DOK6: variants seen among roughly 807,000 people sequenced by gnomAD.
DOK6 encodes docking protein 6.
DOK6 carries 22 observed loss-of-function variants against 44.0 expected under a neutral mutation model. The ratio of observed to expected loss-of-function variants is 0.50; its 90% CI spans 0.36 to 0.71. The LOEUF (loss-of-function observed/expected upper bound fraction) is 0.71. Ranked by LOEUF, DOK6 falls within the 30% of genes least tolerant of loss-of-function variation. DOK6 has a pLI of 0.00. For synonymous variants in DOK6, 166 were observed against 145.5 expected, an observed-to-expected ratio of 1.14 and a Z score of -1.01; for missense variants, 340 against 416.4, an observed-to-expected ratio of 0.82 and a Z score of 1.60.
At chr18:69,579,782 G>T (rs1283584066) in intron 2 of DOK6, among the ~76,000 whole-genome samples, 3 of 151,970 alleles carry the variant, frequency 2.0e-5, no homozygotes, top group Non-Finnish European at 1.5e-5. Flanking sequence ...GGGATTTTCA[G>T]CATGTTGGCC....
chr18:69,814,839 T>C (rs1486558248), intron 7 of DOK6, among the ~76,000 whole-genome samples: 1 of 151,860 alleles, frequency 6.6e-6, no homozygotes, highest in African/African-American at 2.4e-5. Context: ...CCCCAACACA[T>C]GGAGATTACA....
At chr18:69,733,991 A>G (rs1043633759) in intron 5 of DOK6, among the ~76,000 whole-genome samples, 1 of 152,152 alleles carries the variant, frequency 6.6e-6, no homozygotes, top group Non-Finnish European at 1.5e-5. Context: ...AAATTCATCT[A>G]TCTTTTCTTC....
At chr18:69,734,115 T>A (rs1205059913) in intron 5 of DOK6, among the ~76,000 whole-genome samples, 1 of 152,010 alleles carries the variant, frequency 6.6e-6, no homozygotes, top group South Asian at 2.1e-4. Flanking sequence ...TCTCTGAAAT[T>A]TATATCAATG....
intron 4 of DOK6, among the ~76,000 whole-genome samples, chr18:69,690,127 A>G (rs1986232854): frequency 6.6e-6 from 1 of 152,140 alleles, no homozygotes; most frequent in Non-Finnish European, 1.5e-5. Flanking sequence ...AAATCCATGC[A>G]ATAGTCAATT....
chr18:69,458,012 G>A (rs866565324), intron 1 of DOK6, among the ~76,000 whole-genome samples: 131 of 152,162 alleles, frequency 8.6e-4, no homozygotes, highest in African/African-American at 2.7e-3. Context: ...GCGTGGTGGC[G>A]CATGCCTGTA....
intron 7 of DOK6, among the ~76,000 whole-genome samples, chr18:69,809,071 C>T (rs528391050): frequency 6.6e-6 from 1 of 151,852 alleles, no homozygotes; most frequent in African/African-American, 2.4e-5. Flanking sequence ...CAACAGGACA[C>T]TAAAAGGATC....
At chr18:69,784,443 A>C (rs1208149573) in intron 7 of DOK6, among the ~76,000 whole-genome samples, 1 of 151,548 alleles carries the variant, frequency 6.6e-6, no homozygotes, top group African/African-American at 2.4e-5. Context: ...TCATAATATT[A>C]CAGTATCAAA....
chr18:69,718,752 C>T (rs1222931030), intron 5 of DOK6, among the ~76,000 whole-genome samples: 2 of 152,072 alleles, frequency 1.3e-5, no homozygotes, highest in East Asian at 1.9e-4. Flanking sequence ...CTGTGAGCAC[C>T]TACTTCATCC....
chr18:69,749,894 A>G (rs908571982), intron 6 of DOK6, among the ~76,000 whole-genome samples: 2 of 151,284 alleles, frequency 1.3e-5, no homozygotes, highest in South Asian at 4.2e-4. Context: ...TGAGCCACCA[A>G]GACTGCGCCA....
intron 7 of DOK6, among the ~76,000 whole-genome samples, chr18:69,835,256 A>T (rs1172592665): frequency 1.3e-5 from 2 of 152,184 alleles, no homozygotes. Context: ...AGGTCAGGAG[A>T]TCAAGACCAT....
At chr18:69,739,675 T>G (rs1209795166) in intron 6 of DOK6, among the ~76,000 whole-genome samples, 1 of 152,214 alleles carries the variant, frequency 6.6e-6, no homozygotes, top group African/African-American at 2.4e-5. Context: ...TCTAAAGTAG[T>G]AAATTTTATT....
chr18:69,456,274 T>C (rs1002635149), intron 1 of DOK6, among the ~76,000 whole-genome samples: 3 of 152,140 alleles, frequency 2.0e-5, no homozygotes, highest in Admixed American at 1.3e-4. Flanking sequence ...GTAGTGAGCA[T>C]AGTACCCAAT....
At chr18:69,475,425 T>C (rs1980232335) in intron 1 of DOK6, among the ~76,000 whole-genome samples, 1 of 152,172 alleles carries the variant, frequency 6.6e-6, no homozygotes, top group Non-Finnish European at 1.5e-5. Context: ...AATCAAGAAA[T>C]TTGACATTAG....
At chr18:69,493,130 A>G (rs1278099753) in intron 1 of DOK6, among the ~76,000 whole-genome samples, 3 of 152,178 alleles carry the variant, frequency 2.0e-5, no homozygotes, top group Non-Finnish European at 4.4e-5. Context: ...GGTGAAGTTT[A>G]TAATCTCTCT....
chr18:69,433,098 CTTAT>C (rs1006381541), intron 1 of DOK6, among the ~76,000 whole-genome samples: 5 of 152,114 alleles, frequency 3.3e-5, no homozygotes, highest in Non-Finnish European at 5.9e-5. Flanking sequence ...TCTCTTCTAC[CTTAT>C]TTAGTCTTAT....
intron 5 of DOK6, among the ~76,000 whole-genome samples, chr18:69,715,260 T>C (rs1299550877): frequency 6.6e-6 from 1 of 152,266 alleles, no homozygotes; most frequent in East Asian, 1.9e-4. Context: ...TGACACTTAA[T>C]TTAGAATTAA....
intron 7 of DOK6, among the ~76,000 whole-genome samples, chr18:69,805,718 G>T (rs73970272): frequency 1.3e-5 from 2 of 151,898 alleles, no homozygotes; most frequent in African/African-American, 4.8e-5. Flanking sequence ...CTAATGTAAA[G>T]CATATATATG....
At chr18:69,666,427 A>G (rs1340267138) in intron 3 of DOK6, among the ~76,000 whole-genome samples, 1 of 150,794 alleles carries the variant, frequency 6.6e-6, no homozygotes, top group Non-Finnish European at 1.5e-5. Flanking sequence ...TCTATTCTTT[A>G]TTTCTTTTAT....
At chr18:69,609,370 G>C (rs1425114945) in intron 3 of DOK6, among the ~76,000 whole-genome samples, 1 of 152,058 alleles carries the variant, frequency 6.6e-6, no homozygotes, top group Non-Finnish European at 1.5e-5. Context: ...CATGCAGATG[G>C]TCAACAGGTG....
Sources: gnomAD v4.1 joint callset for allele counts (sites outside exome capture counted in the v4.1 genomes callset) on GRCh38, gnomAD v4.1.1 for gene constraint, MANE v1.5 for transcripts, NCBI Gene and HGNC (gene_info 2026-07-23, HGNC 2026-07-21) for gene names.